WWP2: variants seen among roughly 807,000 people sequenced by gnomAD.
The protein encoded by WWP2 is NEDD4-like E3 ubiquitin-protein ligase WWP2.
Under a neutral mutation model 121.0 loss-of-function variants are expected in WWP2, and 57 were observed. The ratio of observed to expected loss-of-function variants is 0.47; its 90% CI spans 0.38 to 0.59. The LOEUF (loss-of-function observed/expected upper bound fraction) is 0.59. WWP2 is among the 20% of genes least tolerant of loss of function. The pLI, the probability that WWP2 is intolerant of heterozygous loss-of-function variation, is 0.00. For missense variants in WWP2, 962 were observed against 1,158.9 expected (o/e 0.83, Z 2.47); for synonymous variants, 449 against 441.3 (o/e 1.02, Z -0.22).
intron 4 of WWP2, among the ~76,000 whole-genome samples, chr16:69,827,432 ATGT>A (rs200393985): frequency 6.6e-6 from 1 of 151,336 alleles, no homozygotes; most frequent in Admixed American, 6.6e-5. Context: ...ATAATTTTCC[ATGT>A]TGTTGTATAC....
intron 6 of WWP2, among the ~76,000 whole-genome samples, chr16:69,868,914 C>T (rs1351764800): frequency 6.6e-6 from 1 of 152,138 alleles, no homozygotes; most frequent in African/African-American, 2.4e-5. Context: ...GAGACAGAGT[C>T]TCTCTCTGTG....
At chr16:69,913,094 G>A (rs1254563705) in intron 9 of WWP2, among the ~76,000 whole-genome samples, 3 of 136,768 alleles carry the variant, frequency 2.2e-5, no homozygotes, top group East Asian at 2.1e-4. Flanking sequence ...GCGCAATCTC[G>A]GCTCACTGCA....
intron 4 of WWP2, among the ~76,000 whole-genome samples, chr16:69,836,711 C>T (rs1198746105): frequency 1.3e-5 from 2 of 152,140 alleles, no homozygotes; most frequent in East Asian, 3.8e-4. Flanking sequence ...CCAACCCAGG[C>T]TCAAGTAATC....
intron 4 of WWP2, among the ~76,000 whole-genome samples, chr16:69,821,723 ACT>A (rs1491210781): frequency 2.6e-5 from 3 of 117,208 alleles, no homozygotes; most frequent in East Asian, 5.1e-4. Flanking sequence ...TTTCTTTCTT[ACT>A]TTTTTTTTTT....
intron 6 of WWP2, among the ~76,000 whole-genome samples, chr16:69,870,298 C>CT (rs5817675): frequency 0.096 from 11,749 of 122,796 alleles, 819 homozygotes; most frequent in East Asian, 0.36. Context: ...TTTATTTATC[C>CT]TTTTTTTTTT....
chr16:69,850,975 A>G (rs567746511), intron 6 of WWP2, among the ~76,000 whole-genome samples: 10 of 151,910 alleles, frequency 6.6e-5, no homozygotes, highest in African/African-American at 2.4e-4. Flanking sequence ...TTGTCACTCA[A>G]AGTCCAAAAT....
rs538092827 is a variant in WWP2, at chr16:69,929,082, C to T, written c.1235-366C>T. Among the ~76,000 whole-genome samples the T allele has an allele frequency of 2.0e-5, 3 of 152,240 alleles. No individual in the cohort carries two copies. In the East Asian group the frequency reaches 5.8e-4, roughly 29 times the overall value. On this transcript the variant is annotated intron_variant, in intron 11 of 23. Transcript: ENST00000359154. ...TGAGGGACTTGGGTGGGGGGCCTGG[C>T]GGGTTAGGGACTGCCCGGCTTCCAT...
At chr16:69,876,658 C>A (rs375487224) in intron 7 of WWP2, among the ~76,000 whole-genome samples, 3 of 152,160 alleles carry the variant, frequency 2.0e-5, no homozygotes, top group African/African-American at 7.2e-5. Flanking sequence ...GCCACTGTGC[C>A]CAGCCATAAA....
intron 8 of WWP2, among the ~76,000 whole-genome samples, chr16:69,899,981 T>C (rs1017007906): frequency 6.6e-6 from 1 of 152,172 alleles, no homozygotes; most frequent in Non-Finnish European, 1.5e-5. Flanking sequence ...TACAATGTTA[T>C]TTTTAAGGAA....
At chr16:69,917,987 C>CGTCTGGCA in intron 10 of WWP2, 104 bp downstream of exon 10, 1 of 1,374,024 alleles carries the variant, frequency 7.3e-7, no homozygotes, top group Non-Finnish European at 9.8e-7. Flanking sequence ...GGGAAAACAG[C>CGTCTGGCA]GTCTGGCAAC....
At position 69,907,112 on chromosome 16, in the gene WWP2, G is replaced by C. The variant is rs148843745; in HGVS notation, c.915-1649G>C. On this transcript the variant is annotated intron_variant, in intron 8 of 23. Transcript: ENST00000359154. ...TTGCTTGTGGAAGCAGGTGTCAGAAGTTGGAGCTTGTGAGTATTACTGTGA... is the reference window on the plus strand; with the variant it reads ...TTGCTTGTGGAAGCAGGTGTCAGAACTTGGAGCTTGTGAGTATTACTGTGA... Among the ~76,000 whole-genome samples, 243 of 152,326 alleles carry C rather than the reference G, an allele frequency of 1.6e-3. 2 individuals carry two copies. The highest frequency in any genetic ancestry group is 2.6e-3 in the Non-Finnish European group (176 of 68,030).
intron 1 of WWP2, among the ~76,000 whole-genome samples, chr16:69,784,602 G>A (rs1344574525): frequency 3.3e-5 from 5 of 152,134 alleles, no homozygotes; most frequent in African/African-American, 1.2e-4. Context: ...CCTTGATGAA[G>A]TGGTAAAATT....
chr16:69,905,155 C>T (rs113621256), intron 8 of WWP2, among the ~76,000 whole-genome samples: 16 of 152,350 alleles, frequency 1.1e-4, no homozygotes, highest in East Asian at 9.6e-4. Context: ...TGCTTGGCAG[C>T]GCTCTCTGAG....
intron 7 of WWP2, among the ~76,000 whole-genome samples, chr16:69,875,210 A>G (rs1266353714): frequency 2.6e-5 from 4 of 152,334 alleles, no homozygotes; most frequent in South Asian, 4.1e-4. Context: ...ACACTATACT[A>G]TGGTCCATAA....
intron 1 of WWP2, among the ~76,000 whole-genome samples, chr16:69,781,293 A>G (rs1443584659): frequency 1.3e-5 from 2 of 151,688 alleles, no homozygotes; most frequent in African/African-American, 4.8e-5. Context: ...GAAATGGGGG[A>G]AGGTATTGCA....
intron 6 of WWP2, among the ~76,000 whole-genome samples, chr16:69,867,992 C>A (rs2057559603): frequency 6.6e-6 from 1 of 152,202 alleles, no homozygotes; most frequent in South Asian, 2.1e-4. Flanking sequence ...ACAATATGAT[C>A]CCATCTTTTA....
intron 7 of WWP2, among the ~76,000 whole-genome samples, chr16:69,872,280 G>A (rs973046572): frequency 6.6e-5 from 10 of 151,566 alleles, no homozygotes; most frequent in African/African-American, 1.9e-4. Flanking sequence ...GCAGTGGCGT[G>A]ATCTCGGCTC....
rs749787204 is a variant in WWP2 at position 69,937,284 on chromosome 16, C to T, written c.2238+46C>T. 5 of 1,605,584 alleles carry T rather than the reference C, an allele frequency of 3.1e-6. No homozygotes were observed. Among genetic ancestry groups the T allele is most frequent in the Non-Finnish European group, 4.3e-6 (5 of 1,176,246 alleles). ...GGACCCTGAGCCCCTGCCTCTGGGG[C>T]GATCCTGCTCTGTGATACGCTCACT... On this transcript the variant is annotated intron_variant, in intron 20 of 23. Transcript: ENST00000359154. This position sits in a 1 kb window ranked among gnomAD's most constrained non-coding sequence, Gnocchi z 6.6.
intron 7 of WWP2, among the ~76,000 whole-genome samples, chr16:69,874,837 C>T (rs986104799): frequency 6.6e-6 from 1 of 152,046 alleles, no homozygotes; most frequent in Non-Finnish European, 1.5e-5. Context: ...CAGTGACTCG[C>T]TAGGTCTTAG....
Sources: allele counts gnomAD v4.1 joint callset (sites outside exome capture counted in the v4.1 genomes callset), GRCh38; gene constraint gnomAD v4.1.1; non-coding constraint Gnocchi (gnomAD v3.1); transcripts MANE v1.5; gene names NCBI Gene and HGNC (gene_info 2026-07-23, HGNC 2026-07-21).